The following GRIA3 variants were observed in gnomAD, a reference collection of about 807,000 sequenced individuals.
GRIA3 encodes glutamate ionotropic receptor AMPA type subunit 3.
Under a neutral mutation model 63.0 loss-of-function variants are expected in GRIA3, and 3 were observed. The ratio of observed to expected loss-of-function variants is 0.05; its 90% CI spans 0.02 to 0.12. GRIA3 has a LOEUF of 0.12. Among genes scored for constraint, GRIA3 ranks in the 10% least tolerant of loss-of-function variants. GRIA3 has a pLI of 1.00. For synonymous variants in GRIA3, 274 were observed against 257.9 expected, an observed-to-expected ratio of 1.06 and a Z score of -0.60; for missense variants, 347 against 700.9, an observed-to-expected ratio of 0.50 and a Z score of 5.70.
At chrX:123,392,862 C>T (rs1350086526) in intron 5 of GRIA3, among the ~76,000 whole-genome samples, 1 of 112,018 alleles carries the variant, frequency 8.9e-6, no homozygotes, top group African/African-American at 3.2e-5. Context: ...GTTTTATCCT[C>T]AGCATTTTAT....
At chrX:123,383,703 T>A (rs1329833008) in intron 5 of GRIA3, among the ~76,000 whole-genome samples, 2 of 111,491 alleles carry the variant, frequency 1.8e-5, no homozygotes. Context: ...TTTTTTAATC[T>A]TTTTTTTCAA....
chrX:123,291,342 G>A (rs956927969), intron 3 of GRIA3, among the ~76,000 whole-genome samples: 2 of 111,156 alleles, frequency 1.8e-5, no homozygotes, highest in Non-Finnish European at 3.8e-5. Context: ...CCTTCAAGCA[G>A]GTAGTTGTAG....
At chrX:123,192,266 G>A (rs1201931823) in intron 2 of GRIA3, among the ~76,000 whole-genome samples, 3 of 111,567 alleles carry the variant, frequency 2.7e-5, no homozygotes, top group Non-Finnish European at 5.7e-5. Flanking sequence ...GGCTGGTGTG[G>A]AGACTGAACC....
chrX:123,256,505 G>A lies in GRIA3; in HGVS notation c.508+2963G>A, dbSNP rs567330997. Among the ~76,000 whole-genome samples the A allele has an allele frequency of 3.8e-4, 42 of 111,470 alleles. No homozygotes were observed. The South Asian group carries it at 0.013, about 35-fold the overall frequency. On this transcript the variant is annotated intron_variant, in intron 3 of 15. Coordinates refer to ENST00000620443, the MANE Select transcript of GRIA3 (RefSeq NM_007325.5). ...AGGAGGCAGCATGTGAAGAGTAGAGGGAAATAGTTTCAAGCAGTAGAAATA... is the reference window on the plus strand; with the variant it reads ...AGGAGGCAGCATGTGAAGAGTAGAGAGAAATAGTTTCAAGCAGTAGAAATA...
intron 2 of GRIA3, among the ~76,000 whole-genome samples, chrX:123,188,875 T>TTCTC (rs1927349084): frequency 8.9e-6 from 1 of 111,843 alleles, no homozygotes; most frequent in South Asian, 3.8e-4. Context: ...TGTGTCCCTG[T>TTCTC]TCTCTGTTCT....
intron 3 of GRIA3, among the ~76,000 whole-genome samples, chrX:123,293,399 T>C (rs918986533): frequency 5.4e-5 from 6 of 111,270 alleles, no homozygotes; most frequent in Non-Finnish European, 1.1e-4. Context: ...AGTAGAAGGT[T>C]TGAGGAAGGA....
At chrX:123,291,749 A>G (rs1006272625) in intron 3 of GRIA3, among the ~76,000 whole-genome samples, 2 of 110,540 alleles carry the variant, frequency 1.8e-5, no homozygotes, top group African/African-American at 3.3e-5. Flanking sequence ...CCTCCTCAAT[A>G]TCAGTTGCAA....
intron 10 of GRIA3, among the ~76,000 whole-genome samples, chrX:123,414,579 C>G (rs1291424036): frequency 9.8e-6 from 1 of 101,924 alleles, no homozygotes; most frequent in Non-Finnish European, 2.0e-5. Flanking sequence ...CCCAGCCCCC[C>G]ACCCCCGACA....
chrX:123,299,148 A>G lies in GRIA3; in HGVS notation c.509-26878A>G, dbSNP rs527544984. On this transcript the variant is annotated intron_variant, in intron 3 of 15. Coordinates refer to ENST00000620443, the MANE Select transcript of GRIA3 (RefSeq NM_007325.5). ...TACTTTAGCCTTGTACTATAGTATG[A>G]AGTTAGACAGCATGATGCCTCCAGC... 3.8e-4 allele frequency among the ~76,000 whole-genome samples: 42 copies of G among 111,590 alleles called. No individual in the cohort carries two copies. The South Asian group carries it at 0.014, about 37-fold the overall frequency.
At position 123,360,695 on chromosome X, in the gene GRIA3, C is replaced by CAAA. The variant is rs751591594; in HGVS notation, c.750+5748_750+5750dup. ...TGGGTGACGGAGCAAGACTCTGTCT[C>CAAA]AAAAAAAAAAAAAAAAAAGGACACC... On this transcript the variant is annotated intron_variant, in intron 5 of 15. Coordinates refer to ENST00000620443, the MANE Select transcript of GRIA3 (RefSeq NM_007325.5). Among the ~76,000 whole-genome samples the CAAA allele has an allele frequency of 1.9e-3, 102 of 52,378 alleles. 5 individuals are homozygous for CAAA. The highest frequency in any genetic ancestry group is 7.4e-3 in the African/African-American group (94 of 12,749). 45.5% of individuals were successfully genotyped at this position (52,378 alleles called of 115,157 possible).
intron 5 of GRIA3, among the ~76,000 whole-genome samples, chrX:123,384,188 C>A (rs2045341023): frequency 8.9e-6 from 1 of 111,841 alleles, no homozygotes; most frequent in Non-Finnish European, 1.9e-5. Context: ...GTTTATAATG[C>A]AACGATTTAT....
intron 13 of GRIA3, among the ~76,000 whole-genome samples, chrX:123,466,984 C>G (rs1461338349): frequency 3.6e-5 from 4 of 112,662 alleles, no homozygotes; most frequent in African/African-American, 1.3e-4. Context: ...TCAAAGAAAT[C>G]AATTTTAAAA....
intron 5 of GRIA3, among the ~76,000 whole-genome samples, chrX:123,384,692 C>G (rs1420065189): frequency 8.9e-6 from 1 of 112,047 alleles, no homozygotes. Flanking sequence ...AATAGCCATT[C>G]TGACTGGTGT....
intron 3 of GRIA3, among the ~76,000 whole-genome samples, chrX:123,319,984 C>T (rs1321109963): frequency 8.9e-6 from 1 of 111,986 alleles, no homozygotes; most frequent in Non-Finnish European, 1.9e-5. Flanking sequence ...TATTTTATTG[C>T]TCCAGAGTAA....
chrX:123,244,919 G>A (rs1434793640), intron 2 of GRIA3, among the ~76,000 whole-genome samples: 1 of 112,443 alleles, frequency 8.9e-6, no homozygotes, highest in Non-Finnish European at 1.9e-5. Flanking sequence ...TAGGAGATGG[G>A]ATGAGTATAT....
intron 5 of GRIA3, among the ~76,000 whole-genome samples, chrX:123,393,250 T>C (rs2045396112): frequency 8.9e-6 from 1 of 112,140 alleles, no homozygotes; most frequent in Admixed American, 9.4e-5. Flanking sequence ...TCTAAGACTG[T>C]CTTGTTATCC....
intron 11 of GRIA3, among the ~76,000 whole-genome samples, chrX:123,423,849 A>G (rs2045576217): frequency 8.9e-6 from 1 of 112,220 alleles, no homozygotes; most frequent in African/African-American, 3.2e-5. Context: ...TTCAAAGGTC[A>G]TAAAATATAT....
intron 3 of GRIA3, among the ~76,000 whole-genome samples, chrX:123,297,981 T>G (rs2147312431): frequency 9.0e-6 from 1 of 111,270 alleles, no homozygotes; most frequent in African/African-American, 3.3e-5. Context: ...CGGTATTTGT[T>G]TTTCTGTTCC....
intron 12 of GRIA3, among the ~76,000 whole-genome samples, chrX:123,435,092 T>C (rs2045637507): frequency 8.9e-6 from 1 of 111,878 alleles, no homozygotes. Flanking sequence ...TGGAGACAGA[T>C]TAACTTAAAA....
Sources: allele counts gnomAD v4.1 joint callset (sites outside exome capture counted in the v4.1 genomes callset), GRCh38; gene constraint gnomAD v4.1.1; transcripts MANE v1.5; gene names NCBI Gene and HGNC (gene_info 2026-07-23, HGNC 2026-07-21).